The following PDZK1IP1 variants were observed in gnomAD, a reference collection of about 807,000 sequenced individuals.
The protein encoded by PDZK1IP1 is PDZK1 interacting protein 1.
In PDZK1IP1, 9 loss-of-function variants were observed where a neutral mutation model predicts 14.7. The ratio of observed to expected loss-of-function variants is 0.61; its 90% confidence interval spans 0.37 to 1.07. The LOEUF is 1.07. Among genes scored for constraint, PDZK1IP1 ranks in the 50% least tolerant of loss-of-function variants. The probability of loss-of-function intolerance (pLI) is 0.01; values close to 1 mark genes in which losing one functional copy is unlikely to be tolerated. For synonymous variants in PDZK1IP1, 70 were observed against 61.2 expected (o/e 1.14, Z -0.67); for missense variants, 152 against 148.7 (o/e 1.02, Z -0.11).
At chr1:47,185,763 C>T (rs542150128) in intron 2 of PDZK1IP1, among the ~76,000 whole-genome samples, 2 of 151,764 alleles carry the variant, frequency 1.3e-5, no homozygotes, top group Non-Finnish European at 2.9e-5. Flanking sequence ...TGCCTTCCTC[C>T]CCTCGAGTCC....
chr1:47,184,915 C>T lies in PDZK1IP1; in HGVS notation c.272+87G>A, dbSNP rs1569852017. The stretch of plus-strand genomic sequence containing the variant: ...TTGCCCACATGAGTCTCCGTCCTCC[C>T]CAGCCACCTCCCCCCAGCAGCACCT... On this transcript the variant is annotated intron_variant, in intron 3 of 3. Coordinates refer to ENST00000294338, the MANE Select transcript of PDZK1IP1 (RefSeq NM_005764.4). 5.4e-5 allele frequency: 60 copies of T among 1,108,166 alleles called. 1 individual carries two copies. The South Asian group carries it at 7.6e-4, about 14-fold the overall frequency. The allele number at this position is 1,108,166 out of a possible 1,614,324, so 68.6% of individuals were successfully genotyped here.
chr1:47,186,731 TC>T (rs1218157543), intron 2 of PDZK1IP1, among the ~76,000 whole-genome samples: 3 of 152,172 alleles, frequency 2.0e-5, no homozygotes, highest in African/African-American at 4.8e-5. Context: ...CCCACGCCAC[TC>T]TATCCTGGTA....
chr1:47,185,655 T>C (rs1457880157), intron 2 of PDZK1IP1, among the ~76,000 whole-genome samples: 2 of 152,020 alleles, frequency 1.3e-5, no homozygotes, highest in African/African-American at 4.8e-5. Context: ...ACTTAATATG[T>C]CTCCAATTAA....
Position 47,185,726 on chromosome 1 carries a change from C to T in PDZK1IP1, c.177-629G>A, listed in dbSNP as rs376386648. Among the ~76,000 whole-genome samples, 8 of 152,182 alleles carry T rather than the reference C, an allele frequency of 5.3e-5. No homozygotes were observed. The South Asian group carries it at 6.2e-4, about 12-fold the overall frequency. On this transcript the variant is annotated intron_variant, in intron 2 of 3. Coordinates refer to ENST00000294338, the MANE Select transcript of PDZK1IP1 (RefSeq NM_005764.4). The stretch of plus-strand genomic sequence containing the variant: ...GTGTTCTGGGCCTCGGTGAGTGATC[C>T]GCCATGAGAAACTTAGATGCCATTC...
In PDZK1IP1 at chr1:47,183,663, G is replaced by A. The variant is rs1645298183; in HGVS notation, c.*308C>T. On this transcript the variant is annotated 3_prime_UTR_variant, in exon 4 of 4. Transcript: ENST00000294338. ...AAAAGTCTTTATTTCACAGAAATTA[G>A]GGCCATTTCCATAGTTATGGGGAAG... 2.5e-6 allele frequency: 1 copy of A among 403,238 alleles called. No individual in the cohort carries two copies. Among genetic ancestry groups the A allele is most frequent in the South Asian group, 5.6e-5 (1 of 17,748 alleles). 25.0% of individuals were successfully genotyped at this position (403,238 alleles called of 1,614,324 possible). A position where few individuals can be genotyped will look rare whatever the true frequency, so the allele number is the denominator to read the frequency against.
rs146814645 is a variant in PDZK1IP1 at position 47,184,009 on chromosome 1, G to T, written c.307C>A (p.Pro103Thr). The T allele has an allele frequency of 1.3e-6, 2 of 1,597,392 alleles. No individual in the cohort carries two copies. The highest frequency in any genetic ancestry group is 1.7e-6 in the Non-Finnish European group (2 of 1,171,086). ...SEHENAYENV[P>T]EEEGKVRSTP... ...CTGCGGACCTTGCCTTCCTCCTCGG[G>T]CACATTCTCATAGGCATTCTCATGC... The change falls in exon 4 of 4, where the codon CCC (proline) becomes ACC (threonine). Residue 103 changes from proline to threonine, a missense_variant. Pro to Thr is a conservative substitution (Grantham distance 38, BLOSUM62 -1). Coordinates refer to ENST00000294338, the MANE Select transcript of PDZK1IP1 (RefSeq NM_005764.4).
chr1:47,184,835 ATT>A lies in PDZK1IP1; in HGVS notation c.272+165_272+166del, dbSNP rs113935625. 9.1e-3 allele frequency among the ~76,000 whole-genome samples: 1,369 copies of A among 150,684 alleles called. 13 individuals are homozygous for A. The highest frequency in any genetic ancestry group is 0.032 in the African/African-American group (1,302 of 40,946). ...AGCCCTCGCCCCACACAGGGGCTGC[ATT>A]TTCCCCACAGAGCCCTGCAATCCTC... On this transcript the variant is annotated intron_variant, in intron 3 of 3. Transcript: ENST00000294338.
intron 1 of PDZK1IP1, among the ~76,000 whole-genome samples, chr1:47,188,763 G>A (rs1374925766): frequency 1.3e-5 from 2 of 152,206 alleles, no homozygotes; most frequent in Non-Finnish European, 2.9e-5. Context: ...AGGGGAAGCA[G>A]AAGACACACA....
In PDZK1IP1 at chr1:47,188,436, G is replaced by C. The variant is rs554004418; in HGVS notation, c.68-1009C>G. On this transcript the variant is annotated intron_variant, in intron 1 of 3. Coordinates refer to ENST00000294338, the MANE Select transcript of PDZK1IP1 (RefSeq NM_005764.4). ...CATCACTGCACTCCATGAGCCTGCAGGAGCTCAGCCTTGTAGAGAAAAGAC... is the reference window on the plus strand; with the variant it reads ...CATCACTGCACTCCATGAGCCTGCACGAGCTCAGCCTTGTAGAGAAAAGAC... Among the ~76,000 whole-genome samples the C allele has an allele frequency of 4.6e-5, 7 of 152,340 alleles. No homozygotes were observed. The South Asian group carries it at 1.4e-3, about 32-fold the overall frequency.
At chr1:47,184,549 C>G in intron 3 of PDZK1IP1, among the ~76,000 whole-genome samples, 1 of 29,750 alleles carries the variant, frequency 3.4e-5, no homozygotes, top group Non-Finnish European at 7.7e-5. Context: ...CCACTGAGCT[C>G]CATCCCCCAC....
intron 3 of PDZK1IP1, among the ~76,000 whole-genome samples, chr1:47,184,391 T>C (rs59546549): frequency 5.6e-4 from 8 of 14,326 alleles, no homozygotes; most frequent in South Asian, 2.4e-3. Flanking sequence ...AATTCCCCCA[T>C]TAAACCCATC....
At chr1:47,184,502 TC>T (rs1645305690) in intron 3 of PDZK1IP1, among the ~76,000 whole-genome samples, 3 of 9,222 alleles carry the variant, frequency 3.3e-4, no homozygotes, top group Non-Finnish European at 4.3e-4. Flanking sequence ...ACTGAACCCA[TC>T]CCCCACTGAA....
rs1046447037 is a variant in PDZK1IP1 at position 47,183,795 on chromosome 1, G to A, written c.*176C>T. On this transcript the variant is annotated 3_prime_UTR_variant, in exon 4 of 4. Coordinates refer to ENST00000294338, the MANE Select transcript of PDZK1IP1 (RefSeq NM_005764.4). ...CACAGCCGAGCCCCAACCTAGACAC[G>A]GTCTGAGCTCCAACCTTGGCTGGCT... 19 of 635,476 alleles carry A rather than the reference G, an allele frequency of 3.0e-5. No homozygotes were observed. Among genetic ancestry groups the A allele is most frequent in the African/African-American group, 1.1e-4 (6 of 54,904 alleles). 39.4% of individuals were successfully genotyped at this position (635,476 alleles called of 1,614,324 possible).
chr1:47,185,089 G>A lies in PDZK1IP1; in HGVS notation c.185C>T (p.Ala62Val). The stretch of plus-strand genomic sequence containing the variant: ...GTTTCCGACGGTCAGGATCATGTGT[G>A]CAGGCTCCCTGGGGATGGGATTCAT... The part of the protein sequence containing the change: ...HFWCQEEPEP[A>V]HMILTVGNKA... The change falls in exon 3 of 4, where the codon GCA becomes GTA. Residue 62 changes from alanine to valine, a missense_variant. Physicochemically the swap from Ala to Val is moderately conservative, Grantham distance 64 (BLOSUM62 0). Coordinates refer to ENST00000294338, the MANE Select transcript of PDZK1IP1 (RefSeq NM_005764.4). 3.1e-6 allele frequency: 5 copies of A among 1,612,874 alleles called. No homozygotes were observed. The highest frequency in any genetic ancestry group is 4.2e-6 in the Non-Finnish European group (5 of 1,179,600).
intron 1 of PDZK1IP1, among the ~76,000 whole-genome samples, chr1:47,188,381 G>A (rs1645332509): frequency 6.6e-6 from 1 of 152,112 alleles, no homozygotes; most frequent in African/African-American, 2.4e-5. Flanking sequence ...TCAGGCCTCT[G>A]CTTCCCCAAA....
At position 47,189,987 on chromosome 1, in the gene PDZK1IP1, C is replaced by T. The variant is rs745427393; in HGVS notation, c.-55G>A. 96 of 1,428,026 alleles carry T rather than the reference C, an allele frequency of 6.7e-5. No individual in the cohort carries two copies. The Middle Eastern group carries it at 3.4e-3, about 50-fold the overall frequency. 88.5% of individuals were successfully genotyped at this position (1,428,026 alleles called of 1,614,324 possible). ...GCCGCCGGTGTCTGGGCTCCTGGAGCTGCTGTGGAGTCTATTGGTGTCCGC... is the reference window on the plus strand; with the variant it reads ...GCCGCCGGTGTCTGGGCTCCTGGAGTTGCTGTGGAGTCTATTGGTGTCCGC... On this transcript the variant is annotated 5_prime_UTR_variant, in exon 1 of 4. Transcript: ENST00000294338.
chr1:47,187,175 ACCTTGAGCCTCAGTTTCCCTTC>A, intron 2 of PDZK1IP1, 122 bp downstream of exon 2: 1 of 644,688 alleles, frequency 1.6e-6, no homozygotes, highest in Non-Finnish European at 2.8e-6. Flanking sequence ...CCACCCCATG[ACCTTGAGCCTCAGTTTCCCTTC>A]CCTTGAGCCT....
chr1:47,186,324 A>G (rs1162852418), intron 2 of PDZK1IP1, among the ~76,000 whole-genome samples: 4 of 152,076 alleles, frequency 2.6e-5, no homozygotes, highest in Non-Finnish European at 5.9e-5. Context: ...AAAAAGAAAA[A>G]AAAAAAAAAC....
rs1302301783 is a variant in PDZK1IP1 at position 47,183,763 on chromosome 1, C to A, written c.*208G>T. ...GCTCTTCTGAGCTGAGCAGGAGACCCCAGGGCCACAGCCGAGCCCCAACCT... is the reference window on the plus strand; with the variant it reads ...GCTCTTCTGAGCTGAGCAGGAGACCACAGGGCCACAGCCGAGCCCCAACCT... On this transcript the variant is annotated 3_prime_UTR_variant, in exon 4 of 4. Transcript: ENST00000294338. 1 of 607,602 alleles carries A rather than the reference C, an allele frequency of 1.6e-6. No individual in the cohort carries two copies. The highest frequency in any genetic ancestry group is 2.8e-5 in the Admixed American group (1 of 35,240). The allele number at this position is 607,602 out of a possible 1,614,324, so 37.6% of individuals were successfully genotyped here. A position where few individuals can be genotyped will look rare whatever the true frequency, so the allele number is the denominator to read the frequency against.
Sources: gnomAD v4.1 joint callset for allele counts (sites outside exome capture counted in the v4.1 genomes callset) on GRCh38, gnomAD v4.1.1 for gene constraint, MANE v1.5 for transcripts, NCBI Gene and HGNC (gene_info 2026-07-23, HGNC 2026-07-21) for gene names.